The following PATJ variants were observed in gnomAD, a reference collection of about 807,000 sequenced individuals.
PATJ encodes inaD-like protein.
PATJ carries 190 observed loss-of-function variants against 224.9 expected under a neutral mutation model. The observed-to-expected ratio is 0.84, with a 90% CI of 0.75 to 0.95. The LOEUF is 0.95. Ranked by LOEUF, PATJ falls within the 40% of genes least tolerant of loss-of-function variation. The probability of loss-of-function intolerance (pLI) is 0.00; values close to 1 mark genes in which losing one functional copy is unlikely to be tolerated. For missense variants in PATJ, 2,121 were observed against 2,270.3 expected (o/e 0.93, Z 1.34); for synonymous variants, 769 against 820.3 (o/e 0.94, Z 1.07).
At chr1:61,829,044 C>T (rs1307757721) in intron 16 of PATJ, among the ~76,000 whole-genome samples, 3 of 152,190 alleles carry the variant, frequency 2.0e-5, no homozygotes, top group East Asian at 1.9e-4. Flanking sequence ...CAGTAACAGT[C>T]GGCTATGGCT....
Position 61,992,345 on chromosome 1 carries a change from C to T in PATJ, c.3867+1981C>T, listed in dbSNP as rs1401604571. On this transcript the variant is annotated intron_variant, in intron 28 of 43. Coordinates refer to ENST00000642238, the MANE Select transcript of PATJ (RefSeq NM_001350145.3). ...GTTGGTCAGGGTGGTCTCGAACTCC[C>T]GACCTCGGGTAATCCACCCGCCTCA... is the stretch of plus-strand genomic sequence containing the variant. Among the ~76,000 whole-genome samples, 6 of 152,032 alleles carry T rather than the reference C, an allele frequency of 3.9e-5. No individual in the cohort carries two copies. The East Asian group carries it at 7.7e-4, about 20-fold the overall frequency.
intron 26 of PATJ, among the ~76,000 whole-genome samples, chr1:61,921,652 G>A (rs1384198182): frequency 1.3e-5 from 2 of 152,090 alleles, no homozygotes; most frequent in African/African-American, 2.4e-5. Context: ...GGGCACTTGG[G>A]ACTCATTAAA....
intron 27 of PATJ, among the ~76,000 whole-genome samples, chr1:61,944,220 T>G (rs1450522462): frequency 6.6e-6 from 1 of 152,180 alleles, no homozygotes; most frequent in Middle Eastern, 3.2e-3. Flanking sequence ...GGACAGAGAA[T>G]GACTTTGACG....
At chr1:62,104,898 C>T (rs1662705526) in intron 33 of PATJ, among the ~76,000 whole-genome samples, 5 of 152,124 alleles carry the variant, frequency 3.3e-5, no homozygotes, top group Admixed American at 3.3e-4. Flanking sequence ...TCTCGAACTC[C>T]TGACCTCAGG....
rs117638637 is a variant in PATJ at position 61,854,707 on chromosome 1, A to T, written c.2113-1323A>T. ...AAACACAGACAATAAATTTGCCTACATCCTGGAGATGTAAGGATTAGATAA... is the reference window on the plus strand; with the variant it reads ...AAACACAGACAATAAATTTGCCTACTTCCTGGAGATGTAAGGATTAGATAA... On this transcript the variant is annotated intron_variant, in intron 17 of 43. Transcript: ENST00000642238. 1.1e-3 allele frequency among the ~76,000 whole-genome samples: 162 copies of T among 152,340 alleles called. 2 individuals carry two copies. The East Asian group carries it at 0.029, about 28-fold the overall frequency.
intron 33 of PATJ, among the ~76,000 whole-genome samples, chr1:62,101,672 T>C (rs561735191): frequency 6.6e-6 from 1 of 152,352 alleles, no homozygotes; most frequent in Non-Finnish European, 1.5e-5. Flanking sequence ...TTTGATGTTT[T>C]AAGTGTTTAA....
chr1:62,009,199 AG>A (rs1646280283), intron 28 of PATJ, among the ~76,000 whole-genome samples: 1 of 152,216 alleles, frequency 6.6e-6, no homozygotes, highest in South Asian at 2.1e-4. Context: ...GGTCAGAAAA[AG>A]CTAAAAGGGT....
intron 3 of PATJ, among the ~76,000 whole-genome samples, chr1:61,764,666 C>T (rs1646159875): frequency 6.6e-6 from 1 of 152,190 alleles, no homozygotes; most frequent in South Asian, 2.1e-4. Context: ...TGCTGATAAA[C>T]TAAAATGCTT....
chr1:62,143,438 A>ATTTTTTTTTTATTTTTTTTTTTTTTTTTT (rs1667694892), intron 41 of PATJ, among the ~76,000 whole-genome samples: 2 of 74,310 alleles, frequency 2.7e-5, no homozygotes, highest in African/African-American at 1.2e-4. Flanking sequence ...TAAGCTGGGA[A>ATTTTTTTTTTATTTTTTTTTTTTTTTTTT]TTTTTTTTTT....
intron 16 of PATJ, among the ~76,000 whole-genome samples, chr1:61,829,597 A>C (rs72674653): frequency 0.033 from 5,008 of 152,360 alleles, 122 homozygotes; most frequent in Middle Eastern, 0.051. Context: ...AGTTATGCAG[A>C]ATTGATTGTA....
chr1:62,090,691 C>T (rs776314395), intron 33 of PATJ, among the ~76,000 whole-genome samples: 1 of 152,114 alleles, frequency 6.6e-6, no homozygotes, highest in Non-Finnish European at 1.5e-5. Context: ...TATCTCCCTC[C>T]ACCCCTCTGG....
intron 41 of PATJ, among the ~76,000 whole-genome samples, chr1:62,135,071 T>C (rs866526862): frequency 1.1e-4 from 16 of 152,194 alleles, no homozygotes; most frequent in Admixed American, 2.6e-4. Context: ...TCACTGATTT[T>C]AATACCTGTT....
intron 25 of PATJ, among the ~76,000 whole-genome samples, chr1:61,911,158 A>G (rs937419576): frequency 6.6e-6 from 1 of 152,122 alleles, no homozygotes; most frequent in Admixed American, 6.5e-5. Context: ...GTGCATTATC[A>G]GCTGCCTTAG....
intron 21 of PATJ, among the ~76,000 whole-genome samples, chr1:61,879,068 G>A (rs1191128433): frequency 6.6e-6 from 1 of 152,216 alleles, no homozygotes; most frequent in African/African-American, 2.4e-5. Context: ...ACAGGCGTGA[G>A]CCACCGCACC....
intron 42 of PATJ, among the ~76,000 whole-genome samples, chr1:62,152,934 T>C (rs890476042): frequency 1.3e-5 from 2 of 151,632 alleles, no homozygotes; most frequent in African/African-American, 4.9e-5. Flanking sequence ...AGGTCAGGAG[T>C]TCGAGATCAG....
chr1:61,882,594 GT>G (rs1200720661), intron 21 of PATJ, among the ~76,000 whole-genome samples: 1 of 152,002 alleles, frequency 6.6e-6, no homozygotes, highest in Non-Finnish European at 1.5e-5. Flanking sequence ...TTTTCCTTTT[GT>G]TTTTGTTTTT....
intron 27 of PATJ, among the ~76,000 whole-genome samples, chr1:61,954,946 G>A (rs1272283863): frequency 2.6e-5 from 4 of 151,886 alleles, no homozygotes; most frequent in Non-Finnish European, 4.4e-5. Context: ...GTAGAGACAG[G>A]GTTTCACCAT....
rs375573695 is a variant in PATJ, at chr1:62,050,993, A to C, written c.4060A>C (p.Ser1354Arg). 1 of 1,613,918 alleles carries C rather than the reference A, an allele frequency of 6.2e-7. No individual in the cohort carries two copies. The highest frequency in any genetic ancestry group is 1.3e-5 in the African/African-American group (1 of 74,942). ...TCAGAGCGGCACCGAACCTATTAGT[A>C]GTGAGGAAGATGGCAGCGTCGAAGT... is the stretch of plus-strand genomic sequence containing the variant. ...EDQSGTEPISSEEDGSVEVGI... is the reference protein window; with the variant it reads ...EDQSGTEPISREEDGSVEVGI... Residue 1354 changes from serine to arginine, a missense_variant, in exon 31 of 44, where the codon AGT (serine) becomes CGT (arginine). Transcript: ENST00000642238.
chr1:62,065,377 G>A (rs1345558516), intron 31 of PATJ, among the ~76,000 whole-genome samples: 3 of 152,174 alleles, frequency 2.0e-5, no homozygotes, highest in Admixed American at 1.3e-4. Context: ...TTGGGAGGCC[G>A]AGACAGGCGG....
Sources: gnomAD v4.1 joint callset for allele counts (sites outside exome capture counted in the v4.1 genomes callset) on GRCh38, gnomAD v4.1.1 for gene constraint, MANE v1.5 for transcripts, NCBI Gene and HGNC (gene_info 2026-07-23, HGNC 2026-07-21) for gene names.